RAB28: variants seen among roughly 807,000 people sequenced by gnomAD.
The protein encoded by RAB28 is ras-related protein Rab-28.
A neutral mutation model predicts 31.7 loss-of-function variants in RAB28; 24 were observed. The observed-to-expected ratio is 0.76, with a 90% CI of 0.55 to 1.06. RAB28 has a LOEUF of 1.06. Ranked by LOEUF, RAB28 falls within the 50% of genes least tolerant of loss-of-function variation. The probability of loss-of-function intolerance (pLI) is 0.00; values close to 1 mark genes in which losing one functional copy is unlikely to be tolerated. For missense variants in RAB28, 254 were observed against 258.5 expected (o/e 0.98, Z 0.12); for synonymous variants, 100 against 90.4 (o/e 1.11, Z -0.60).
At chr4:13,380,919 T>A (rs931910795) in intron 5 of RAB28, among the ~76,000 whole-genome samples, 1 of 151,872 alleles carries the variant, frequency 6.6e-6, no homozygotes, top group Non-Finnish European at 1.5e-5. Context: ...ACAATAAAAA[T>A]ATTAAGTAAA....
At chr4:13,434,735 C>A (rs1713996261) in intron 4 of RAB28, among the ~76,000 whole-genome samples, 1 of 151,992 alleles carries the variant, frequency 6.6e-6, no homozygotes, top group African/African-American at 2.4e-5. Context: ...GAAAACAACA[C>A]AGGCCAGGTG....
chr4:13,468,633 A>C (rs1319112092), intron 3 of RAB28, among the ~76,000 whole-genome samples: 2 of 151,946 alleles, frequency 1.3e-5, no homozygotes, highest in African/African-American at 4.8e-5. Flanking sequence ...AAAAATCAAT[A>C]ATCTAAGCTT....
Position 13,376,546 on chromosome 4 carries a change from T to C in RAB28, c.572A>G (p.Gln191Arg), listed in dbSNP as rs377564106. 20 of 1,596,448 alleles carry C rather than the reference T, an allele frequency of 1.3e-5. No homozygotes were observed. Among genetic ancestry groups the C allele is most frequent in the Non-Finnish European group, 1.7e-5 (20 of 1,172,306 alleles). The change falls in exon 6 of 7, where the codon CAG (glutamine) becomes CGG (arginine). Residue 191 changes from glutamine (Q) to arginine (R), a missense_variant and splice_region_variant. Transcript: ENST00000330852. ...KLNKAEIEQS[Q>R]RVVKADIVNY... is the part of the protein sequence containing the mutation. ...AAATATAAAGTTCAAGGTAATCACC[T>C]GTGACTGTTCTATTTCTGCTTTGTT...
At chr4:13,444,537 A>T (rs1714599850) in intron 4 of RAB28, among the ~76,000 whole-genome samples, 1 of 152,208 alleles carries the variant, frequency 6.6e-6, no homozygotes, top group Non-Finnish European at 1.5e-5. Flanking sequence ...TAAATATATA[A>T]CTAGAACTAG....
At chr4:13,388,216 C>T (rs1192194810) in intron 4 of RAB28, among the ~76,000 whole-genome samples, 1 of 152,014 alleles carries the variant, frequency 6.6e-6, no homozygotes, top group Non-Finnish European at 1.5e-5. Flanking sequence ...ATAAACCTCA[C>T]ATATATGGCC....
At chr4:13,449,587 T>G (rs1365219628) in intron 4 of RAB28, among the ~76,000 whole-genome samples, 1 of 151,954 alleles carries the variant, frequency 6.6e-6, no homozygotes, top group Non-Finnish European at 1.5e-5. Flanking sequence ...CTCCAAGAAC[T>G]ATCAATCACT....
At chr4:13,431,728 CCAAA>C (rs1008343164) in intron 4 of RAB28, among the ~76,000 whole-genome samples, 10 of 151,844 alleles carry the variant, frequency 6.6e-5, no homozygotes, top group African/African-American at 2.4e-4. Context: ...AGAAACGAAG[CCAAA>C]CAATCATACA....
In RAB28 at chr4:13,368,271, A is replaced by G. The variant is rs1728585347; in HGVS notation, c.*287T>C. 10 of 1,059,168 alleles carry G rather than the reference A, an allele frequency of 9.4e-6. No homozygotes were observed. The highest frequency in any genetic ancestry group is 1.1e-5 in the Non-Finnish European group (10 of 878,702). 65.6% of individuals were successfully genotyped at this position (1,059,168 alleles called of 1,614,324 possible). On this transcript the variant is annotated 3_prime_UTR_variant, in exon 7 of 7. Coordinates refer to ENST00000330852, the MANE Select transcript of RAB28 (RefSeq NM_001017979.3). The stretch of plus-strand genomic sequence containing the variant: ...AAAAATTTACATCAATGAAAAAAGA[A>G]GCAAGGACATACAAAGAAACAACAT...
At chr4:13,459,085 A>ATCTTT (rs1299711102) in intron 4 of RAB28, among the ~76,000 whole-genome samples, 1 of 152,188 alleles carries the variant, frequency 6.6e-6, no homozygotes, top group African/African-American at 2.4e-5. Context: ...TCCGGCCTCC[A>ATCTTT]TCTTTTTCCT....
chr4:13,382,360 C>T (rs563557425), intron 4 of RAB28, among the ~76,000 whole-genome samples: 1 of 151,910 alleles, frequency 6.6e-6, no homozygotes, highest in Non-Finnish European at 1.5e-5. Context: ...GATTCAATGC[C>T]GTCAAATTAT....
At chr4:13,418,047 G>A (rs768889303) in intron 4 of RAB28, among the ~76,000 whole-genome samples, 3 of 152,160 alleles carry the variant, frequency 2.0e-5, no homozygotes, top group Non-Finnish European at 4.4e-5. Flanking sequence ...ACAGTGTTGA[G>A]AAGACCTTAA....
At position 13,381,495 on chromosome 4, in the gene RAB28, T is replaced by A. The variant is rs761610562; in HGVS notation, c.491A>T (p.Asp164Val). 1.3e-6 allele frequency: 2 copies of A among 1,598,476 alleles called. No individual in the cohort carries two copies. Among genetic ancestry groups the A allele is most frequent in the Non-Finnish European group, 1.7e-6 (2 of 1,167,106 alleles). ...AGTATTCATTATTTTACTTACAGAGTCTCCTGTCTTGGCTGAGACAAAGTG... is the reference window on the plus strand; with the variant it reads ...AGTATTCATTATTTTACTTACAGAGACTCCTGTCTTGGCTGAGACAAAGTG... ...SSHFVSAKTG[D>V]SVFLCFQKVA... is the part of the protein sequence containing the mutation. Residue 164 changes from aspartate (D) to valine (V), a missense_variant, in exon 5 of 7, where the codon GAC (aspartate) becomes GTC (valine). Asp to Val is a radical substitution (Grantham distance 152, BLOSUM62 -3). Transcript: ENST00000330852.
At chr4:13,456,800 A>G (rs1057218141) in intron 4 of RAB28, among the ~76,000 whole-genome samples, 1 of 152,196 alleles carries the variant, frequency 6.6e-6, no homozygotes, top group Non-Finnish European at 1.5e-5. Context: ...ATTAAAAGAA[A>G]TCTCTTCCTC....
intron 3 of RAB28, among the ~76,000 whole-genome samples, chr4:13,464,724 A>G (rs1205677261): frequency 3.9e-5 from 6 of 152,122 alleles, no homozygotes; most frequent in Non-Finnish European, 7.4e-5. Flanking sequence ...CCTCACACTA[A>G]AATTCTATTT....
chr4:13,475,268 A>T (rs1461572814), intron 2 of RAB28, among the ~76,000 whole-genome samples: 1 of 151,624 alleles, frequency 6.6e-6, no homozygotes, highest in Non-Finnish European at 1.5e-5. Context: ...TCTCAATGCA[A>T]CTGATGAGTA....
At chr4:13,437,441 G>A (rs529004005) in intron 4 of RAB28, among the ~76,000 whole-genome samples, 158 of 152,156 alleles carry the variant, frequency 1.0e-3, no homozygotes, top group Middle Eastern at 3.4e-3. Context: ...TACAGAATGA[G>A]AGAAAATACC....
chr4:13,467,801 T>C (rs1052267631), intron 3 of RAB28, among the ~76,000 whole-genome samples: 1 of 151,976 alleles, frequency 6.6e-6, no homozygotes, highest in African/African-American at 2.4e-5. Context: ...ACACTTTGTA[T>C]GTGAATTTAA....
At chr4:13,381,671 T>C in intron 4 of RAB28, 77 bp from the exon 5 acceptor site, 1 of 1,043,578 alleles carries the variant, frequency 9.6e-7, no homozygotes. Flanking sequence ...TAAATTTGAC[T>C]TGCTTTCCAA....
chr4:13,460,492 A>G (rs1053987122), intron 4 of RAB28, among the ~76,000 whole-genome samples: 3 of 152,108 alleles, frequency 2.0e-5, no homozygotes, highest in Admixed American at 1.3e-4. Context: ...CTGGGACTAC[A>G]AGCATTAGCC....
Sources: gnomAD v4.1 joint callset for allele counts (sites outside exome capture counted in the v4.1 genomes callset) on GRCh38, gnomAD v4.1.1 for gene constraint, MANE v1.5 for transcripts, NCBI Gene and HGNC (gene_info 2026-07-23, HGNC 2026-07-21) for gene names.